Variants in FDFT1 observed in about 807,000 individuals in gnomAD.
The protein encoded by FDFT1 is farnesyl-diphosphate farnesyltransferase 1.
A neutral mutation model predicts 46.8 loss-of-function variants in FDFT1; 68 were observed. The ratio of observed to expected loss-of-function variants is 1.45; its 90% CI spans 1.19 to 1.78. The LOEUF (loss-of-function observed/expected upper bound fraction) is 1.78, where lower values mean the gene tolerates loss of function less well. Ranked by LOEUF, FDFT1 falls within the 40% of genes most tolerant of loss-of-function variation. FDFT1 has a pLI of 0.00. For synonymous variants in FDFT1, 351 were observed against 185.1 expected (o/e 1.90, Z -7.28); for missense variants, 928 against 524.4 (o/e 1.77, Z -7.52).
intron 7 of FDFT1, among the ~76,000 whole-genome samples, chr8:11,832,597 T>C (rs1293314): frequency 0.89 from 127,638 of 142,674 alleles, 57,504 homozygotes; most frequent in Non-Finnish European, 0.96. Flanking sequence ...CCAGAAGTCT[T>C]TGTAATCTCT....
intron 1 of FDFT1, among the ~76,000 whole-genome samples, chr8:11,807,002 G>T (rs1030059201): frequency 7.2e-6 from 1 of 139,296 alleles, no homozygotes; most frequent in African/African-American, 2.5e-5. Context: ...GGCAAAATAC[G>T]TATTCATGAT....
rs937395981 is a variant in FDFT1 at position 11,838,419 on chromosome 8, C to T, written c.1064C>T (p.Ser355Phe). ...CATAGAATCCCCGACTCAGACCCAT[C>T]TTCTAGCAAAACAAGGCAGATCATC... ...IYHRIPDSDP[S>F]SSKTRQIIST... is the part of the protein sequence containing the mutation. The change falls in exon 8 of 8, where the codon TCT becomes TTT. Residue 355 changes from serine (S) to phenylalanine (F), a missense_variant. By Grantham distance (155) the Ser-to-Phe change is radical (BLOSUM62 -2). Transcript: ENST00000220584. 9 of 1,613,130 alleles carry T rather than the reference C, an allele frequency of 5.6e-6. No homozygotes were observed. The highest frequency in any genetic ancestry group is 2.2e-5 in the East Asian group (1 of 44,882).
chr8:11,802,681 G>C, upstream of FDFT1: 1 of 649,428 alleles, frequency 1.5e-6, no homozygotes, highest in East Asian at 2.8e-5. Flanking sequence ...GGTTGAAGTG[G>C]GCGGAGCGGC....
chr8:11,820,736 T>C (rs1169579478), intron 3 of FDFT1, among the ~76,000 whole-genome samples: 1 of 152,158 alleles, frequency 6.6e-6, no homozygotes, highest in African/African-American at 2.4e-5. Context: ...AGCACAGTAT[T>C]TGGGCAGAGT....
chr8:11,827,612 T>A (rs1403382522), intron 5 of FDFT1, among the ~76,000 whole-genome samples: 3 of 151,632 alleles, frequency 2.0e-5, no homozygotes, highest in Admixed American at 6.6e-5. Context: ...TTCTAAAAGT[T>A]AAGAAAAAGG....
intron 3 of FDFT1, among the ~76,000 whole-genome samples, chr8:11,817,804 C>G (rs1203179060): frequency 6.7e-6 from 1 of 149,010 alleles, no homozygotes; most frequent in Non-Finnish European, 1.5e-5. Flanking sequence ...TTCAAAAAAC[C>G]AGCTCCTGGA....
chr8:11,808,904 G>GGCA lies in FDFT1; in HGVS notation c.197+16_197+18dup. On this transcript the variant is annotated intron_variant, in intron 2 of 7. Coordinates refer to ENST00000220584, the MANE Select transcript of FDFT1 (RefSeq NM_004462.5). The stretch of plus-strand genomic sequence containing the variant: ...ATGGGGAAATGCGGTGAGTGATGGA[G>GGCA]GCAGCGCCTCTGGCTTGGAGGAAAG... The GGCA allele has an allele frequency of 1.2e-6, 2 of 1,611,814 alleles. No homozygotes were observed. The highest frequency in any genetic ancestry group is 1.7e-6 in the Non-Finnish European group (2 of 1,179,012).
At chr8:11,832,234 A>T (rs1810902004) in intron 7 of FDFT1, among the ~76,000 whole-genome samples, 1 of 147,870 alleles carries the variant, frequency 6.8e-6, no homozygotes, top group African/African-American at 2.6e-5. Context: ...TCTTAGGTCA[A>T]ATCTCTAATA....
Position 11,830,355 on chromosome 8 carries a change from G to A in FDFT1, c.814G>A (p.Asp272Asn), listed in dbSNP as rs769233178. ...AACCAATGCACTGCACCACATCCCA[G>A]ATGTCATCACCTACCTTTCGAGACT... ...LITNALHHIP[D>N]VITYLSRLRN... is the part of the protein sequence containing the mutation. Residue 272 changes from aspartate (D) to asparagine (N), a missense_variant, in exon 6 of 8, where the codon GAT becomes AAT. Physicochemically the swap from Asp to Asn is conservative, Grantham distance 23. Transcript: ENST00000220584. The A allele has an allele frequency of 1.2e-5, 20 of 1,613,952 alleles. No homozygotes were observed. The South Asian group carries it at 2.1e-4, about 17-fold the overall frequency.
chr8:11,801,668 C>T (rs1182381145), upstream of FDFT1: 3 of 301,128 alleles, frequency 1.0e-5, no homozygotes, highest in Non-Finnish European at 1.9e-5. Flanking sequence ...TTAAAACAGA[C>T]TGCAGGATGG....
upstream of FDFT1, chr8:11,802,707 G>T (rs1806279502): frequency 2.7e-6 from 2 of 738,298 alleles, no homozygotes; most frequent in Middle Eastern, 3.6e-4. Context: ...GGGCGTCGCC[G>T]TACTAGGCCT....
intron 7 of FDFT1, among the ~76,000 whole-genome samples, chr8:11,832,094 G>T (rs1387265115): frequency 6.6e-6 from 1 of 152,118 alleles, no homozygotes; most frequent in Non-Finnish European, 1.5e-5. Context: ...TATGCCACAG[G>T]CCTCAATTGA....
At chr8:11,814,058 A>AG (rs1369319335) in intron 3 of FDFT1, among the ~76,000 whole-genome samples, 1 of 152,214 alleles carries the variant, frequency 6.6e-6, no homozygotes, top group East Asian at 1.9e-4. Flanking sequence ...AGTGTTTTGG[A>AG]GGAGTCTAAG....
chr8:11,838,202 G>C (rs1362423802), intron 7 of FDFT1, among the ~76,000 whole-genome samples, 186 bp from the exon 8 acceptor site: 2 of 152,304 alleles, frequency 1.3e-5, no homozygotes, highest in South Asian at 2.1e-4. Context: ...TTTGAGATGA[G>C]CTGGGGCTGA....
intron 7 of FDFT1, among the ~76,000 whole-genome samples, chr8:11,836,827 G>A (rs1228373336): frequency 6.6e-6 from 1 of 152,236 alleles, no homozygotes; most frequent in African/African-American, 2.4e-5. Context: ...CTTGAGGTCT[G>A]GAGTTTGAGA....
At chr8:11,807,241 G>A (rs909221434) in intron 1 of FDFT1, among the ~76,000 whole-genome samples, 3 of 152,234 alleles carry the variant, frequency 2.0e-5, no homozygotes, top group East Asian at 1.9e-4. Flanking sequence ...GGGCTCAAGC[G>A]ATCCTCCCAC....
intron 5 of FDFT1, 57 bp downstream of exon 5, chr8:11,826,272 C>T: frequency 1.5e-6 from 2 of 1,333,598 alleles, no homozygotes; most frequent in Admixed American, 2.2e-5. Context: ...CTGAAAAATC[C>T]TTTAACTCTT....
At chr8:11,808,240 T>C (rs1466129829) in intron 1 of FDFT1, 2 of 1,195,848 alleles carry the variant, frequency 1.7e-6, no homozygotes, top group Admixed American at 4.4e-5. Context: ...GAGTTTGGTC[T>C]AGGGAGACTC....
rs1810587163 is a variant in FDFT1, at chr8:11,830,258, T to C, written c.717T>C (p.Tyr239=). The C allele has an allele frequency of 6.2e-7, 1 of 1,613,838 alleles. No homozygotes were observed. Among genetic ancestry groups the C allele is most frequent in the Admixed American group, 1.7e-5 (1 of 60,020 alleles). Residue 239 remains tyrosine, a synonymous_variant, in exon 6 of 8, where the codon TAT becomes TAC. Coordinates refer to ENST00000220584, the MANE Select transcript of FDFT1 (RefSeq NM_004462.5). ...TATCTGTCTAGGTTTGGAGCAGGTA[T>C]GTTAAGAAGTTAGGGGATTTTGCTA... The part of the protein sequence containing the change: ...EFWPQEVWSR[Y]VKKLGDFAKP...
Sources: allele counts gnomAD v4.1 joint callset (sites outside exome capture counted in the v4.1 genomes callset), GRCh38; gene constraint gnomAD v4.1.1; transcripts MANE v1.5; gene names NCBI Gene and HGNC (gene_info 2026-07-23, HGNC 2026-07-21).